The following KLHL4 variants were observed in gnomAD, a reference collection of about 807,000 sequenced individuals.
The protein encoded by KLHL4 is kelch-like protein 4.
Under a neutral mutation model 45.8 loss-of-function variants are expected in KLHL4, and 17 were observed. The observed-to-expected ratio is 0.37, with a 90% CI of 0.25 to 0.56. KLHL4 has a LOEUF of 0.56. KLHL4 is among the 20% of genes least tolerant of loss of function. The pLI, the probability that KLHL4 is intolerant of heterozygous loss-of-function variation, is 0.79. For synonymous variants in KLHL4, 224 were observed against 189.9 expected, an observed-to-expected ratio of 1.18 and a Z score of -1.47; for missense variants, 544 against 544.9, an observed-to-expected ratio of 1.00 and a Z score of 0.02.
intron 9 of KLHL4, among the ~76,000 whole-genome samples, chrX:87,656,666 T>C (rs1281254153): frequency 2.7e-5 from 3 of 110,649 alleles, no homozygotes; most frequent in South Asian, 7.7e-4. Context: ...AAAATCAATA[T>C]TTTGAATTAT....
chrX:87,533,270 C>T (rs1266865936), intron 1 of KLHL4, among the ~76,000 whole-genome samples: 2 of 103,000 alleles, frequency 1.9e-5, no homozygotes, highest in African/African-American at 7.1e-5. Flanking sequence ...TTTATTGCGG[C>T]ACTATTCACA....
chrX:87,531,988 A>C (rs1008929044), intron 1 of KLHL4, among the ~76,000 whole-genome samples: 2 of 107,188 alleles, frequency 1.9e-5, no homozygotes, highest in African/African-American at 6.8e-5. Context: ...AATACTTTAA[A>C]GTTCATATGG....
At chrX:87,530,346 T>G (rs1350635848) in intron 1 of KLHL4, among the ~76,000 whole-genome samples, 1 of 107,183 alleles carries the variant, frequency 9.3e-6, no homozygotes, top group Admixed American at 1.0e-4. Flanking sequence ...TGTATACATG[T>G]ACCATGCTGG....
At chrX:87,616,813 C>T (rs776789309) in intron 3 of KLHL4, among the ~76,000 whole-genome samples, 2 of 111,508 alleles carry the variant, frequency 1.8e-5, no homozygotes, top group Admixed American at 9.6e-5. Context: ...GCTCTCCCTT[C>T]AAAATCAAAA....
Position 87,667,104 on chromosome X carries a change from T to C in KLHL4, c.*570T>C, listed in dbSNP as rs576358073. 5.3e-6 allele frequency: 4 copies of C among 749,229 alleles called. No homozygotes were observed. The African/African-American group carries it at 7.0e-5, about 13-fold the overall frequency. 61.7% of individuals were successfully genotyped at this position (749,229 alleles called of 1,213,427 possible). On this transcript the variant is annotated 3_prime_UTR_variant, in exon 11 of 11. Transcript: ENST00000373119. ...GTGTTGAAGCTAAAAAAATAATGGC[T>C]CTTTGACAAAACTTGTTATGTTGAT...
intron 1 of KLHL4, among the ~76,000 whole-genome samples, chrX:87,551,568 CAGAT>C (rs1392149480): frequency 9.2e-5 from 7 of 76,098 alleles, no homozygotes; most frequent in South Asian, 5.8e-4. Context: ...GATAGATAGA[CAGAT>C]AGATAAATAG....
At chrX:87,660,857 A>G (rs1009445883) in intron 9 of KLHL4, among the ~76,000 whole-genome samples, 2 of 112,088 alleles carry the variant, frequency 1.8e-5, no homozygotes, top group Non-Finnish European at 3.8e-5. Flanking sequence ...AAAACAAACA[A>G]ACAAACAAAC....
intron 1 of KLHL4, among the ~76,000 whole-genome samples, chrX:87,588,198 T>G (rs1345856146): frequency 9.0e-6 from 1 of 111,611 alleles, no homozygotes; most frequent in African/African-American, 3.3e-5. Context: ...AAAAAATCAA[T>G]AATGTTAAAA....
At position 87,664,919 on chromosome X, in the gene KLHL4, G is replaced by T. The variant is rs745792102; in HGVS notation, c.2081G>T (p.Arg694Ile). Reference protein sequence around the residue: ...LNTVESYDAQRNEWKEEVPVN... With the variant: ...LNTVESYDAQINEWKEEVPVN... ...ACAGTTGAGTCATATGATGCACAGA[G>T]AAATGAATGGAAAGAGGTATTCGAA... The change falls in exon 10 of 11, where the codon AGA (arginine) becomes ATA (isoleucine). Residue 694 changes from arginine to isoleucine, a missense_variant. Coordinates refer to ENST00000373119, the MANE Select transcript of KLHL4 (RefSeq NM_019117.5). 1.1e-5 allele frequency: 13 copies of T among 1,138,209 alleles called. No individual in the cohort carries two copies. Among genetic ancestry groups the T allele is most frequent in the South Asian group, 9.9e-5 (5 of 50,504 alleles). 93.8% of individuals were successfully genotyped at this position (1,138,209 alleles called of 1,213,427 possible). A position where few individuals can be genotyped will look rare whatever the true frequency, so the allele number is the denominator to read the frequency against.
chrX:87,659,113 C>CTTT (rs1178733729), intron 9 of KLHL4, among the ~76,000 whole-genome samples: 164 of 45,052 alleles, frequency 3.6e-3, no homozygotes, highest in East Asian at 5.8e-3. Flanking sequence ...TCTTTTCTTT[C>CTTT]TTTTTTTTTT....
Position 87,561,771 on chromosome X carries a change from A to G in KLHL4, c.422+43456A>G, listed in dbSNP as rs181730358. On this transcript the variant is annotated intron_variant, in intron 1 of 10. Coordinates refer to ENST00000373119, the MANE Select transcript of KLHL4 (RefSeq NM_019117.5). ...TTATGCTTGAGGTAGGGAAAGAGAA[A>G]AGTAGAGAACTTTATCTTGCAATCT... Among the ~76,000 whole-genome samples, 808 of 108,822 alleles carry G rather than the reference A, an allele frequency of 7.4e-3. 6 individuals are homozygous for G. The highest frequency in any genetic ancestry group is 0.026 in the African/African-American group (767 of 29,859). The allele number at this position is 108,822 out of a possible 115,157, so 94.5% of individuals were successfully genotyped here.
At position 87,550,472 on chromosome X, in the gene KLHL4, TAGAG is replaced by T. The variant is rs1211667523; in HGVS notation, c.422+32159_422+32162del. Among the ~76,000 whole-genome samples, 4 of 111,269 alleles carry T rather than the reference TAGAG, an allele frequency of 3.6e-5. No individual in the cohort carries two copies. The South Asian group carries it at 1.1e-3, about 31-fold the overall frequency. On this transcript the variant is annotated intron_variant, in intron 1 of 10. Transcript: ENST00000373119. ...GTCATTTTGACACTATTTCACAAGA[TAGAG>T]AAAGAGGGAACTCTCCCTAATTCAT...
At chrX:87,537,084 A>G (rs1301731292) in intron 1 of KLHL4, among the ~76,000 whole-genome samples, 1 of 111,739 alleles carries the variant, frequency 8.9e-6, no homozygotes, top group Non-Finnish European at 1.9e-5. Flanking sequence ...TATATTTTAA[A>G]TGTGTATCTA....
intron 1 of KLHL4, among the ~76,000 whole-genome samples, chrX:87,547,329 G>A (rs1016362496): frequency 9.0e-6 from 1 of 110,813 alleles, no homozygotes; most frequent in Non-Finnish European, 1.9e-5. Flanking sequence ...CTTCTTAAAC[G>A]TGTTCTCTGG....
intron 6 of KLHL4, among the ~76,000 whole-genome samples, chrX:87,626,465 G>C (rs1420678384): frequency 9.0e-6 from 1 of 110,901 alleles, no homozygotes; most frequent in Non-Finnish European, 1.9e-5. Flanking sequence ...GCAATCAGAT[G>C]CATATTTGTC....
chrX:87,614,694 A>G lies in KLHL4; in HGVS notation c.727+124A>G, dbSNP rs1422424608. 22 of 558,024 alleles carry G rather than the reference A, an allele frequency of 3.9e-5. 2 individuals are homozygous for G. The Admixed American group carries it at 5.1e-4, about 13-fold the overall frequency. The allele number at this position is 558,024 out of a possible 1,213,427, so 46.0% of individuals were successfully genotyped here. ...TATTCTTCATAGTAGTAATACTGCT[A>G]CTACAACTACAAAGGTGAGGAAACT... is the stretch of plus-strand genomic sequence containing the variant. On this transcript the variant is annotated intron_variant, in intron 3 of 10. Coordinates refer to ENST00000373119, the MANE Select transcript of KLHL4 (RefSeq NM_019117.5).
At chrX:87,541,490 CACAA>C (rs1569337302) in intron 1 of KLHL4, among the ~76,000 whole-genome samples, 83 of 63,916 alleles carry the variant, frequency 1.3e-3, no homozygotes, top group Admixed American at 4.3e-3. Flanking sequence ...GACTCCATCT[CACAA>C]AAAAAAAAAA....
At chrX:87,650,542 A>G (rs1923777806) in intron 9 of KLHL4, among the ~76,000 whole-genome samples, 1 of 112,301 alleles carries the variant, frequency 8.9e-6, no homozygotes, top group African/African-American at 3.2e-5. Flanking sequence ...TCTGGTTTAA[A>G]ATTTCTAATT....
intron 1 of KLHL4, among the ~76,000 whole-genome samples, chrX:87,612,002 T>A (rs1922394370): frequency 8.9e-6 from 1 of 112,148 alleles, no homozygotes; most frequent in African/African-American, 3.2e-5. Flanking sequence ...AAGAAAATGT[T>A]TTTTACATCT....
Sources: gnomAD v4.1 joint callset for allele counts (sites outside exome capture counted in the v4.1 genomes callset) on GRCh38, gnomAD v4.1.1 for gene constraint, MANE v1.5 for transcripts, NCBI Gene and HGNC (gene_info 2026-07-23, HGNC 2026-07-21) for gene names.